Variants in ELP3 observed in about 807,000 individuals in gnomAD.
ELP3 encodes elongator acetyltransferase complex subunit 3.
Under a neutral mutation model 74.9 loss-of-function variants are expected in ELP3, and 56 were observed. That is an observed-to-expected ratio of 0.75 (90% confidence interval 0.60 to 0.93). The LOEUF is 0.93. ELP3 is among the 40% of genes least tolerant of loss of function. ELP3 has a pLI of 0.00. For missense variants in ELP3, 573 were observed against 686.5 expected, an observed-to-expected ratio of 0.83 and a Z score of 1.85; for synonymous variants, 222 against 239.8, an observed-to-expected ratio of 0.93 and a Z score of 0.68.
intron 6 of ELP3, chr8:28,110,803 C>T: frequency 4.8e-6 from 1 of 208,994 alleles, no homozygotes; most frequent in Non-Finnish European, 9.5e-6. Context: ...TTTGACTGGC[C>T]ATGCGCAATG....
intron 14 of ELP3, among the ~76,000 whole-genome samples, chr8:28,180,877 C>A (rs531261628): frequency 3.3e-4 from 50 of 152,270 alleles, no homozygotes; most frequent in Non-Finnish European, 5.9e-4. Flanking sequence ...GAATTCAGAC[C>A]CATGTTGCAT....
intron 10 of ELP3, among the ~76,000 whole-genome samples, chr8:28,139,502 C>A (rs1380636034): frequency 6.8e-6 from 1 of 146,094 alleles, no homozygotes; most frequent in East Asian, 2.7e-4. Context: ...ACAAATTCAA[C>A]CAACTGCAGA....
At chr8:28,123,768 T>C (rs945572510) in intron 7 of ELP3, among the ~76,000 whole-genome samples, 4 of 152,362 alleles carry the variant, frequency 2.6e-5, no homozygotes, top group Admixed American at 2.0e-4. Flanking sequence ...TACCTCTTTA[T>C]CATCATGAGA....
intron 10 of ELP3, among the ~76,000 whole-genome samples, chr8:28,145,856 T>C (rs569284225): frequency 9.2e-5 from 14 of 152,300 alleles, no homozygotes; most frequent in African/African-American, 3.1e-4. Context: ...ACTCCTGACC[T>C]CAGGTGATCC....
At position 28,111,855 on chromosome 8, in the gene ELP3, A is replaced by G. The variant is rs1159827231; in HGVS notation, c.463-1164A>G. Among the ~76,000 whole-genome samples, 4 of 152,316 alleles carry G rather than the reference A, an allele frequency of 2.6e-5. No individual in the cohort carries two copies. In the East Asian group the frequency reaches 7.7e-4, roughly 29 times the overall value. ...TCTTCACCTCGGGAGGTTCTGATTA[A>G]GTCTGCTTTAAGGTCCTAGCAAGAT... On this transcript the variant is annotated intron_variant, in intron 6 of 14. Coordinates refer to ENST00000256398, the MANE Select transcript of ELP3 (RefSeq NM_018091.6).
intron 9 of ELP3, among the ~76,000 whole-genome samples, chr8:28,132,790 T>A (rs1384407996): frequency 6.6e-6 from 1 of 152,242 alleles, no homozygotes; most frequent in Non-Finnish European, 1.5e-5. Flanking sequence ...AAATGTCTTT[T>A]TAATTTAATA....
rs1033280697 is a variant in ELP3, at chr8:28,156,043, A to G, written c.1191+11A>G. On this transcript the variant is annotated intron_variant, in intron 11 of 14. Transcript: ENST00000256398. ...GACCTCGGAATACAGGTAAGAGCAA[A>G]TATGGCGGTCAGGCCACAACTGTTG... The G allele has an allele frequency of 1.4e-5, 23 of 1,608,414 alleles. No individual in the cohort carries two copies. The highest frequency in any genetic ancestry group is 1.8e-5 in the Non-Finnish European group (21 of 1,175,216).
rs1563280340 is a variant in ELP3 at position 28,160,360 on chromosome 8, CG to C, written c.1390del (p.Glu464AsnfsTer8). The C allele has an allele frequency of 3.7e-6, 6 of 1,614,128 alleles. No individual in the cohort carries two copies. The highest frequency in any genetic ancestry group is 1.7e-6 in the Non-Finnish European group (2 of 1,180,028). ...AGTGTTCAGAAGAAACTTTCCGTTT[CG>C]AATTGGGTGGAGGTGTCTCCATAGT... ...RKCSEETFRFELGGGVSIVRE... is the reference protein window; with the variant it reads ...RKCSEETFRFXLGGGVSIVRE... On this transcript the variant is annotated frameshift_variant, in exon 13 of 15. Coordinates refer to ENST00000256398, the MANE Select transcript of ELP3 (RefSeq NM_018091.6). LOFTEE classifies it high-confidence loss of function.
At chr8:28,112,945 A>C in intron 6 of ELP3, 74 bp from the exon 7 acceptor site, 52 of 1,342,192 alleles carry the variant, frequency 3.9e-5, no homozygotes, top group Non-Finnish European at 4.5e-5. Flanking sequence ...CTGCAAAATA[A>C]GAGATTTGCA....
intron 14 of ELP3, among the ~76,000 whole-genome samples, chr8:28,183,720 C>T (rs1489388862): frequency 1.3e-5 from 2 of 152,218 alleles, no homozygotes; most frequent in Non-Finnish European, 1.5e-5. Flanking sequence ...TTTGGACTCT[C>T]CCCACTCCTG....
intron 7 of ELP3, among the ~76,000 whole-genome samples, chr8:28,115,395 C>T (rs115325702): frequency 1.3e-5 from 2 of 152,064 alleles, no homozygotes; most frequent in Non-Finnish European, 2.9e-5. Context: ...TTTGTGTGTT[C>T]ATGCACATAC....
At chr8:28,095,065 T>C (rs1475253176) in intron 1 of ELP3, among the ~76,000 whole-genome samples, 1 of 152,236 alleles carries the variant, frequency 6.6e-6, no homozygotes, top group East Asian at 1.9e-4. Context: ...ATCTGTTCTT[T>C]ATTACACCCT....
chr8:28,152,050 C>T lies in ELP3; in HGVS notation c.1101-3892C>T, dbSNP rs75222285. Reference sequence around the variant, plus strand: ...CACAGCAGTTTCCACTCAGGAGTCTCTGCTCTGTTAAGCCACGACTTCCAC... The same window carrying T: ...CACAGCAGTTTCCACTCAGGAGTCTTTGCTCTGTTAAGCCACGACTTCCAC... On this transcript the variant is annotated intron_variant, in intron 10 of 14. Transcript: ENST00000256398. 4.3e-4 allele frequency among the ~76,000 whole-genome samples: 65 copies of T among 152,300 alleles called. 2 individuals carry two copies. In the East Asian group the frequency reaches 0.01, roughly 24 times the overall value.
At chr8:28,186,196 T>A (rs946611703) in intron 14 of ELP3, among the ~76,000 whole-genome samples, 17 of 151,598 alleles carry the variant, frequency 1.1e-4, no homozygotes, top group African/African-American at 3.9e-4. Context: ...GCAAGTAGGG[T>A]TGGTGTTTAG....
chr8:28,189,729 C>T lies in ELP3; in HGVS notation c.*4C>T. 2 of 1,612,706 alleles carry T rather than the reference C, an allele frequency of 1.2e-6. No homozygotes were observed. The highest frequency in any genetic ancestry group is 1.7e-6 in the Non-Finnish European group (2 of 1,178,766). On this transcript the variant is annotated 3_prime_UTR_variant, in exon 15 of 15. Coordinates refer to ENST00000256398, the MANE Select transcript of ELP3 (RefSeq NM_018091.6). ...CATGGTGAAGATGCTGAAATAATGG[C>T]CACACCAGTCCACTCTTCTGCAGTA...
intron 10 of ELP3, 112 bp from the exon 11 acceptor site, chr8:28,155,824 TTCATAG>T: frequency 1.4e-6 from 1 of 723,806 alleles, no homozygotes; most frequent in Non-Finnish European, 2.3e-6. Flanking sequence ...CCTGGTCAGC[TTCATAG>T]GTTTTTTGCT....
chr8:28,161,703 C>T (rs984828761), intron 13 of ELP3, among the ~76,000 whole-genome samples: 12 of 151,954 alleles, frequency 7.9e-5, no homozygotes, highest in Non-Finnish European at 1.6e-4. Context: ...TAGAACCCAC[C>T]TAAAAAGAGA....
intron 7 of ELP3, among the ~76,000 whole-genome samples, chr8:28,129,146 A>C (rs955748011): frequency 5.3e-5 from 8 of 152,224 alleles, no homozygotes; most frequent in Admixed American, 4.6e-4. Context: ...AGGTTTTCAC[A>C]GTTGAAATCA....
intron 10 of ELP3, among the ~76,000 whole-genome samples, chr8:28,142,979 T>C (rs912313802): frequency 1.3e-5 from 2 of 152,190 alleles, no homozygotes; most frequent in Non-Finnish European, 2.9e-5. Context: ...TTGCATTGAG[T>C]GTTACTAAAC....
Sources: gnomAD v4.1 joint callset for allele counts (sites outside exome capture counted in the v4.1 genomes callset) on GRCh38, gnomAD v4.1.1 for gene constraint, MANE v1.5 for transcripts, NCBI Gene and HGNC (gene_info 2026-07-23, HGNC 2026-07-21) for gene names.